The following FER variants were observed in gnomAD, a reference collection of about 807,000 sequenced individuals.
The protein encoded by FER is tyrosine-protein kinase Fer.
Under a neutral mutation model 111.0 loss-of-function variants are expected in FER, and 63 were observed. The observed-to-expected ratio is 0.57, with a 90% CI of 0.46 to 0.70. The LOEUF (loss-of-function observed/expected upper bound fraction) is 0.70. FER is among the 30% of genes least tolerant of loss of function. The pLI is 0.00. For missense variants in FER, 914 were observed against 954.0 expected, an observed-to-expected ratio of 0.96 and a Z score of 0.55; for synonymous variants, 327 against 313.9, an observed-to-expected ratio of 1.04 and a Z score of -0.44.
At chr5:109,033,856 A>G in intron 13 of FER, among the ~76,000 whole-genome samples, 1 of 152,288 alleles carries the variant, frequency 6.6e-6, no homozygotes, top group East Asian at 1.9e-4. Flanking sequence ...ACTTTTAATT[A>G]ACAAATAATA....
chr5:108,781,859 G>A (rs1436606556), intron 2 of FER, among the ~76,000 whole-genome samples: 4 of 151,994 alleles, frequency 2.6e-5, no homozygotes, highest in Non-Finnish European at 4.4e-5. Context: ...ATTAAGAACA[G>A]AATGTTCTAG....
chr5:108,913,964 C>T (rs1024293647), intron 10 of FER, among the ~76,000 whole-genome samples: 1 of 152,074 alleles, frequency 6.6e-6, no homozygotes, highest in Non-Finnish European at 1.5e-5. Flanking sequence ...CAATGACATT[C>T]GATTTTAGAA....
At chr5:108,992,486 T>C (rs1373942434) in intron 13 of FER, among the ~76,000 whole-genome samples, 13 of 120,360 alleles carry the variant, frequency 1.1e-4, no homozygotes, top group South Asian at 2.7e-4. Context: ...CCGGACGGGG[T>C]GGCTGGCCGG....
intron 9 of FER, chr5:108,894,508 T>C (rs1406007765): frequency 5.0e-6 from 2 of 397,262 alleles, no homozygotes; most frequent in Admixed American, 5.5e-5. Context: ...ACACTGATAT[T>C]AGTTAGTTTG....
intron 13 of FER, among the ~76,000 whole-genome samples, chr5:109,014,114 T>C (rs1263806402): frequency 6.6e-6 from 1 of 151,202 alleles, no homozygotes; most frequent in African/African-American, 2.4e-5. Context: ...ATTTTGGCTT[T>C]TGTTGCCATT....
At chr5:108,986,752 CTG>C (rs1248079495) in intron 13 of FER, among the ~76,000 whole-genome samples, 1 of 152,052 alleles carries the variant, frequency 6.6e-6, no homozygotes, top group Non-Finnish European at 1.5e-5. Flanking sequence ...GATCAGTTGA[CTG>C]TAAGTATTTG....
In FER at chr5:109,037,422, G is replaced by T; in HGVS notation, c.1657G>T (p.Asp553Tyr). The change falls in exon 14 of 20, where the codon GAC becomes TAC. Residue 553 changes from aspartate (D) to tyrosine (Y), a missense_variant and splice_region_variant. Physicochemically the swap from Asp to Tyr is radical, Grantham distance 160. Around this residue, in one of 3 missense-constraint regions of FER, gnomAD observed 774 missense variants for 782.6 expected, o/e 0.99. Coordinates refer to ENST00000281092, the MANE Select transcript of FER (RefSeq NM_005246.4). ...GVVLLNPIPK[D>Y]KKWILSHEDV... ...CAACTGTTCTTATTCTTTGCTGTAG[G>T]ACAAGAAATGGATTCTCAGTCATGA... The T allele has an allele frequency of 6.2e-7, 1 of 1,611,124 alleles. No individual in the cohort carries two copies. Among genetic ancestry groups the T allele is most frequent in the Non-Finnish European group, 8.5e-7 (1 of 1,177,872 alleles).
At chr5:109,046,536 A>G (rs1772000878) in intron 15 of FER, among the ~76,000 whole-genome samples, 1 of 152,150 alleles carries the variant, frequency 6.6e-6, no homozygotes, top group Non-Finnish European at 1.5e-5. Flanking sequence ...TTAAAAGAAT[A>G]TTAAATTAAG....
chr5:108,953,394 C>A (rs1389989079), intron 11 of FER, among the ~76,000 whole-genome samples: 1 of 151,834 alleles, frequency 6.6e-6, no homozygotes, highest in Non-Finnish European at 1.5e-5. Context: ...ACCAAAACTT[C>A]CATATATAGT....
At chr5:108,901,311 AAG>A (rs1253617230) in intron 10 of FER, among the ~76,000 whole-genome samples, 4 of 152,230 alleles carry the variant, frequency 2.6e-5, no homozygotes, top group East Asian at 1.9e-4. Context: ...TGAATTAAGT[AAG>A]AGAGGGGAAG....
intron 17 of FER, among the ~76,000 whole-genome samples, chr5:109,125,652 T>C (rs1364289624): frequency 6.6e-6 from 1 of 152,224 alleles, no homozygotes; most frequent in Non-Finnish European, 1.5e-5. Context: ...ATTCTGTAAA[T>C]GTGAGCTGGT....
chr5:109,052,491 G>A, intron 16 of FER: 2 of 937,076 alleles, frequency 2.1e-6, no homozygotes, highest in South Asian at 2.8e-5. Flanking sequence ...CTTAAAAGAA[G>A]TGAAGTCACG....
intron 17 of FER, among the ~76,000 whole-genome samples, chr5:109,171,636 T>C (rs532449270): frequency 2.8e-4 from 43 of 152,320 alleles, no homozygotes; most frequent in Middle Eastern, 6.8e-3. Flanking sequence ...AGTTATGTTA[T>C]TTGTCACTCA....
intron 16 of FER, among the ~76,000 whole-genome samples, chr5:109,055,428 A>T (rs1773489838): frequency 6.6e-6 from 1 of 152,220 alleles, no homozygotes; most frequent in South Asian, 2.1e-4. Flanking sequence ...TAAGGGGTTA[A>T]TATCCAAAAT....
chr5:109,104,725 A>G (rs1748670678), intron 17 of FER, among the ~76,000 whole-genome samples: 1 of 152,182 alleles, frequency 6.6e-6, no homozygotes, highest in African/African-American at 2.4e-5. Flanking sequence ...TCTCATGAAA[A>G]TGTATATGAG....
chr5:109,101,893 C>A (rs1489254270), intron 17 of FER, among the ~76,000 whole-genome samples: 1 of 152,080 alleles, frequency 6.6e-6, no homozygotes, highest in Non-Finnish European at 1.5e-5. Context: ...GGTAATTACT[C>A]CTTTTGTCTC....
chr5:108,853,812 C>T (rs750410244), intron 5 of FER, among the ~76,000 whole-genome samples: 69 of 152,194 alleles, frequency 4.5e-4, no homozygotes, highest in Middle Eastern at 6.8e-3. Flanking sequence ...GATGGGAAGC[C>T]ATTGGAGTGT....
chr5:109,141,743 A>G (rs1317297721), intron 17 of FER, among the ~76,000 whole-genome samples: 1 of 152,204 alleles, frequency 6.6e-6, no homozygotes, highest in Admixed American at 6.6e-5. Context: ...TCACTGACTA[A>G]GTCAAGTTAC....
At chr5:108,985,391 T>C (rs1219977254) in intron 13 of FER, among the ~76,000 whole-genome samples, 1 of 152,202 alleles carries the variant, frequency 6.6e-6, no homozygotes, top group South Asian at 2.1e-4. Flanking sequence ...TTTAACCTGA[T>C]AGTCACTATT....
Sources: allele counts gnomAD v4.1 joint callset (sites outside exome capture counted in the v4.1 genomes callset), GRCh38; gene constraint gnomAD v4.1.1; regional missense constraint gnomAD v4.1.1; transcripts MANE v1.5; gene names NCBI Gene and HGNC (gene_info 2026-07-23, HGNC 2026-07-21).